Variants in NSUN6 observed in about 807,000 individuals in gnomAD.
The protein encoded by NSUN6 is tRNA (cytosine(72)-C(5))-methyltransferase NSUN6.
NSUN6 carries 64 observed loss-of-function variants against 58.0 expected under a neutral mutation model. The ratio of observed to expected loss-of-function variants is 1.10; its 90% CI spans 0.90 to 1.36. The LOEUF (loss-of-function observed/expected upper bound fraction) is 1.36, where lower values mean the gene tolerates loss of function less well. Ranked by LOEUF, NSUN6 falls within the 40% of genes most tolerant of loss-of-function variation. The pLI is 0.00. For missense variants in NSUN6, 701 were observed against 550.1 expected (o/e 1.27, Z -2.74); for synonymous variants, 231 against 193.9 (o/e 1.19, Z -1.59).
chr10:18,600,355 T>G (rs935860589), intron 6 of NSUN6, among the ~76,000 whole-genome samples: 1 of 152,206 alleles, frequency 6.6e-6, no homozygotes, highest in African/African-American at 2.4e-5. Flanking sequence ...CCGGTTGTGG[T>G]GGCTCATGCC....
intron 10 of NSUN6, among the ~76,000 whole-genome samples, chr10:18,546,902 A>AAAGAG (rs1457860349): frequency 3.9e-5 from 6 of 152,040 alleles, no homozygotes; most frequent in African/African-American, 1.4e-4. Flanking sequence ...AAAGAAAAGA[A>AAAGAG]AAGAGAAGGA....
At chr10:18,624,772 T>C (rs2058732603) in intron 3 of NSUN6, among the ~76,000 whole-genome samples, 1 of 151,614 alleles carries the variant, frequency 6.6e-6, no homozygotes, top group Non-Finnish European at 1.5e-5. Flanking sequence ...AAAGGGTTGC[T>C]TGAGAGGATG....
chr10:18,642,562 A>C lies in NSUN6; in HGVS notation c.232-7T>G, dbSNP rs2059420968. ...CACTTAATCCATTAAACTGCTGTTA[A>C]AGATAAACATGATTATAAAGTAATC... On this transcript the variant is annotated splice_polypyrimidine_tract_variant and splice_region_variant and intron_variant, in intron 2 of 10. Transcript: ENST00000377304. The C allele has an allele frequency of 7.4e-7, 1 of 1,354,974 alleles. No homozygotes were observed. Among genetic ancestry groups the C allele is most frequent in the Non-Finnish European group, 1.1e-6 (1 of 948,590 alleles). The allele number at this position is 1,354,974 out of a possible 1,614,324, so 83.9% of individuals were successfully genotyped here.
At chr10:18,617,973 T>C (rs1306898549) in intron 3 of NSUN6, among the ~76,000 whole-genome samples, 2 of 152,144 alleles carry the variant, frequency 1.3e-5, no homozygotes, top group African/African-American at 4.8e-5. Context: ...AAAAAACAAA[T>C]TTATGTTCTT....
At chr10:18,595,867 T>G (rs2057564997) in intron 7 of NSUN6, among the ~76,000 whole-genome samples, 1 of 152,212 alleles carries the variant, frequency 6.6e-6, no homozygotes, top group Non-Finnish European at 1.5e-5. Flanking sequence ...GATAATATAC[T>G]GTGAAATTAG....
intron 6 of NSUN6, among the ~76,000 whole-genome samples, chr10:18,599,625 A>T (rs1310163213): frequency 6.6e-6 from 1 of 152,174 alleles, no homozygotes. Context: ...ATAGCTGCAC[A>T]TTAGAATCAC....
At chr10:18,651,022 G>A (rs759476404) in intron 1 of NSUN6, 107 bp downstream of exon 1, 11 of 1,346,152 alleles carry the variant, frequency 8.2e-6, no homozygotes, top group Non-Finnish European at 1.1e-5. Context: ...CAAGTAGTAA[G>A]GAACGACGGC....
intron 8 of NSUN6, among the ~76,000 whole-genome samples, chr10:18,554,979 G>A (rs1449449842): frequency 2.0e-5 from 3 of 149,950 alleles, no homozygotes; most frequent in Admixed American, 2.0e-4. Flanking sequence ...AATGGACACT[G>A]GAATGGAAAA....
At chr10:18,600,821 A>G (rs2057775040) in intron 6 of NSUN6, among the ~76,000 whole-genome samples, 1 of 149,956 alleles carries the variant, frequency 6.7e-6, no homozygotes, top group African/African-American at 2.5e-5. Context: ...ACAGCTACTT[A>G]GGAGGCTAAG....
intron 6 of NSUN6, among the ~76,000 whole-genome samples, chr10:18,602,823 C>A (rs898366013): frequency 3.9e-5 from 6 of 152,094 alleles, no homozygotes; most frequent in Admixed American, 2.6e-4. Flanking sequence ...TTTTTCTCAG[C>A]ATTTTTTTGA....
rs1406207755 is a variant in NSUN6 at position 18,546,158 on chromosome 10, A to G, written c.1198-13T>C. On this transcript the variant is annotated splice_polypyrimidine_tract_variant and intron_variant, in intron 10 of 10. Transcript: ENST00000377304. ...CAATCTGCGGTTCCTGTTTGGAGAA[A>G]GTGGATCAATATGGATGAACATCCT... 1.3e-6 allele frequency: 2 copies of G among 1,576,138 alleles called. No individual in the cohort carries two copies. Among genetic ancestry groups the G allele is most frequent in the Non-Finnish European group, 1.7e-6 (2 of 1,145,298 alleles).
chr10:18,572,683 C>T (rs576989246), intron 8 of NSUN6, among the ~76,000 whole-genome samples: 59 of 150,776 alleles, frequency 3.9e-4, no homozygotes, highest in Non-Finnish European at 7.7e-4. Context: ...CATTCTCTTC[C>T]ATTCTCCTTC....
intron 3 of NSUN6, among the ~76,000 whole-genome samples, chr10:18,624,860 G>C (rs1356761803): frequency 6.6e-6 from 1 of 152,074 alleles, no homozygotes; most frequent in Non-Finnish European, 1.5e-5. Context: ...TGATAAATAA[G>C]AGTGGCTCAC....
upstream of NSUN6, among the ~76,000 whole-genome samples, chr10:18,656,608 T>C (rs1480883857): frequency 2.0e-5 from 3 of 152,190 alleles, no homozygotes; most frequent in African/African-American, 7.2e-5. Flanking sequence ...TACAGCTAGC[T>C]CTTCCAAGTA....
Position 18,651,577 on chromosome 10 carries a change from T to A in NSUN6, c.-374A>T. ...GGCTGACAGCAGCTCGGTCCCTTTA[T>A]CTTTTCTATCAATTTCCAAACACGC... On this transcript the variant is annotated 5_prime_UTR_variant, in exon 1 of 11. Transcript: ENST00000377304. 17 of 993,562 alleles carry A rather than the reference T, an allele frequency of 1.7e-5. No homozygotes were observed. Among genetic ancestry groups the A allele is most frequent in the Non-Finnish European group, 2.0e-5 (17 of 835,614 alleles). The allele number at this position is 993,562 out of a possible 1,614,324, so 61.5% of individuals were successfully genotyped here.
intron 3 of NSUN6, among the ~76,000 whole-genome samples, chr10:18,637,533 G>A (rs2059258503): frequency 6.6e-6 from 1 of 152,188 alleles, no homozygotes; most frequent in Non-Finnish European, 1.5e-5. Context: ...CTCATATACT[G>A]CTGAAACAAA....
At chr10:18,552,212 G>A (rs888390642) in intron 8 of NSUN6, among the ~76,000 whole-genome samples, 3 of 152,048 alleles carry the variant, frequency 2.0e-5, no homozygotes, top group Non-Finnish European at 4.4e-5. Context: ...TACAAACCAA[G>A]GCCTAATCAC....
intron 3 of NSUN6, among the ~76,000 whole-genome samples, chr10:18,630,477 G>A (rs1193144866): frequency 1.3e-5 from 2 of 152,062 alleles, no homozygotes; most frequent in Non-Finnish European, 1.5e-5. Context: ...CTGGTTTTTT[G>A]AAAGGATCAA....
chr10:18,592,107 A>C (rs1205248256), intron 7 of NSUN6, among the ~76,000 whole-genome samples: 2 of 152,042 alleles, frequency 1.3e-5, no homozygotes, highest in Non-Finnish European at 2.9e-5. Context: ...TCATGAGTGA[A>C]CTCCCATTCA....
Sources: allele counts gnomAD v4.1 joint callset (sites outside exome capture counted in the v4.1 genomes callset), GRCh38; gene constraint gnomAD v4.1.1; transcripts MANE v1.5; gene names NCBI Gene and HGNC (gene_info 2026-07-23, HGNC 2026-07-21).